PREX1: variants seen among roughly 807,000 people sequenced by gnomAD.
PREX1 encodes the protein phosphatidylinositol 3,4,5-trisphosphate-dependent Rac exchanger 1 protein.
In PREX1, 41 loss-of-function variants were observed where a neutral mutation model predicts 198.3. The ratio of observed to expected loss-of-function variants is 0.21; its 90% confidence interval spans 0.16 to 0.27. PREX1 has a LOEUF of 0.27. Ranked by LOEUF, PREX1 falls within the 10% of genes least tolerant of loss-of-function variation. The pLI is 1.00. For synonymous variants in PREX1, 843 were observed against 887.2 expected, an observed-to-expected ratio of 0.95 and a Z score of 0.89; for missense variants, 1,620 against 2,200.7, an observed-to-expected ratio of 0.74 and a Z score of 5.28.
At chr20:48,729,067 C>T (rs2090021986) in intron 4 of PREX1, among the ~76,000 whole-genome samples, 1 of 151,126 alleles carries the variant, frequency 6.6e-6, no homozygotes. Context: ...TGATCCCACC[C>T]TGACTCGGCT....
At chr20:48,880,723 A>G in the PREX1 span, among the ~76,000 whole-genome samples, 2 of 152,234 alleles carry the variant, frequency 1.3e-5, no homozygotes, top group South Asian at 4.1e-4. Flanking sequence ...GCCTGATGCC[A>G]CCCCAAATAA....
At chr20:48,746,830 TAACA>T (rs1314102658) in intron 2 of PREX1, among the ~76,000 whole-genome samples, 2 of 152,018 alleles carry the variant, frequency 1.3e-5, no homozygotes, top group Non-Finnish European at 2.9e-5. Context: ...TTGTAAACTA[TAACA>T]AACAGTGTAA....
chr20:48,798,256 A>C (rs1325864458), intron 1 of PREX1, among the ~76,000 whole-genome samples: 3 of 151,918 alleles, frequency 2.0e-5, no homozygotes, highest in African/African-American at 2.4e-5. Flanking sequence ...CTACCAATTC[A>C]AGTCCAACCC....
chr20:48,658,149 C>A lies in PREX1; in HGVS notation c.1961G>T (p.Gly654Val). 3 of 1,613,416 alleles carry A rather than the reference C, an allele frequency of 1.9e-6. No homozygotes were observed. Among genetic ancestry groups the A allele is most frequent in the Non-Finnish European group, 2.5e-6 (3 of 1,179,578 alleles). Residue 654 changes from glycine to valine, a missense_variant, in exon 17 of 40, where the codon GGC (glycine) becomes GTC (valine). Coordinates refer to ENST00000371941, the MANE Select transcript of PREX1 (RefSeq NM_020820.4). ...KAVVVKSVQR[G>V]SLAEVAGLQV... ...CGAGGGCCTCACCTCAGCCAGCGAGCCCCTCTGGACGGACTTCACCACCAC... is the reference window on the plus strand; with the variant it reads ...CGAGGGCCTCACCTCAGCCAGCGAGACCCTCTGGACGGACTTCACCACCAC...
intron 3 of PREX1, among the ~76,000 whole-genome samples, chr20:48,739,361 T>C (rs989876524): frequency 1.3e-5 from 2 of 152,234 alleles, no homozygotes; most frequent in Non-Finnish European, 2.9e-5. Flanking sequence ...CACATATTTT[T>C]TTTAGTATAA....
At chr20:48,793,680 C>T (rs1174486102) in intron 1 of PREX1, among the ~76,000 whole-genome samples, 2 of 152,202 alleles carry the variant, frequency 1.3e-5, no homozygotes, top group Non-Finnish European at 2.9e-5. Flanking sequence ...AAATCATTTA[C>T]TCTCTCTGAG....
At chr20:48,884,588 G>A in the PREX1 span, among the ~76,000 whole-genome samples, 3 of 152,306 alleles carry the variant, frequency 2.0e-5, no homozygotes, top group South Asian at 4.1e-4. Flanking sequence ...ATAAATATTT[G>A]TGACTTTGGG....
chr20:48,742,731 GC>G (rs1473074454), intron 3 of PREX1, among the ~76,000 whole-genome samples: 1 of 152,114 alleles, frequency 6.6e-6, no homozygotes, highest in Non-Finnish European at 1.5e-5. Context: ...CCCGTCCCCA[GC>G]CCCCCAGCCC....
At position 48,685,193 on chromosome 20, in the gene PREX1, C is replaced by T. The variant is rs533866502; in HGVS notation, c.1334+3464G>A. Among the ~76,000 whole-genome samples the T allele has an allele frequency of 3.3e-5, 5 of 152,308 alleles. No homozygotes were observed. In the South Asian group the frequency reaches 8.3e-4, roughly 25 times the overall value. ...TCCCGACTGGCACATAGCAGGGACT[C>T]GGTAACACTGAGTGGGTGAATGAAT... On this transcript the variant is annotated intron_variant, in intron 10 of 39. Transcript: ENST00000371941.
At chr20:48,854,454 G>C in the PREX1 span, among the ~76,000 whole-genome samples, 1 of 152,072 alleles carries the variant, frequency 6.6e-6, no homozygotes, top group Admixed American at 6.6e-5. Context: ...CCTGCTACTT[G>C]GGAGGCTGAG....
At chr20:48,636,398 G>A (rs891758750) in intron 32 of PREX1, 65 bp downstream of exon 32, 39 of 1,490,144 alleles carry the variant, frequency 2.6e-5, no homozygotes, top group Non-Finnish European at 3.0e-5. Context: ...GGGCTCCCTC[G>A]ACCCGGCCTG....
the PREX1 span, among the ~76,000 whole-genome samples, chr20:48,874,829 A>T: frequency 1.3e-5 from 2 of 151,192 alleles, no homozygotes; most frequent in Middle Eastern, 3.4e-3. Context: ...GTGAGCCGAG[A>T]TCACACCACT....
At chr20:48,663,523 G>C (rs1485169175) in intron 15 of PREX1, among the ~76,000 whole-genome samples, 1 of 152,204 alleles carries the variant, frequency 6.6e-6, no homozygotes, top group Non-Finnish European at 1.5e-5. Flanking sequence ...GTGAGACTTC[G>C]TCTCAAAAAA....
intron 15 of PREX1, among the ~76,000 whole-genome samples, chr20:48,663,145 G>A (rs2089609436): frequency 6.6e-6 from 1 of 152,200 alleles, no homozygotes. Flanking sequence ...TATTCCCACA[G>A]AACTCTGGGC....
chr20:48,777,750 T>C (rs1044406424), intron 1 of PREX1, among the ~76,000 whole-genome samples: 1 of 152,174 alleles, frequency 6.6e-6, no homozygotes, highest in African/African-American at 2.4e-5. Flanking sequence ...ACGACAGCAG[T>C]ACTCTGTAGT....
chr20:48,777,659 C>T (rs1254566876), intron 1 of PREX1, among the ~76,000 whole-genome samples: 3 of 152,160 alleles, frequency 2.0e-5, no homozygotes, highest in Non-Finnish European at 2.9e-5. Context: ...TGAAGGGTCA[C>T]GGCAAAGCCA....
chr20:48,646,169 T>C (rs1376762658), intron 25 of PREX1, 112 bp from the exon 26 acceptor site: 12 of 1,069,146 alleles, frequency 1.1e-5, no homozygotes, highest in Admixed American at 2.0e-5. Context: ...CTGTTGGGGG[T>C]GGGAGACTCG....
intron 1 of PREX1, among the ~76,000 whole-genome samples, chr20:48,775,678 G>A (rs1029295766): frequency 3.3e-5 from 5 of 151,156 alleles, no homozygotes; most frequent in East Asian, 3.9e-4. Context: ...TGCTGTTCTC[G>A]TGATAGTGAA....
At chr20:48,732,871 C>G (rs1418473329) in intron 4 of PREX1, among the ~76,000 whole-genome samples, 1 of 151,858 alleles carries the variant, frequency 6.6e-6, no homozygotes, top group Non-Finnish European at 1.5e-5. Flanking sequence ...CGCCCTCCCT[C>G]CACCCCACCA....
Sources: gnomAD v4.1 joint callset for allele counts (sites outside exome capture counted in the v4.1 genomes callset) on GRCh38, gnomAD v4.1.1 for gene constraint, MANE v1.5 for transcripts, NCBI Gene and HGNC (gene_info 2026-07-23, HGNC 2026-07-21) for gene names.